TEKTL1: variants seen among roughly 807,000 people sequenced by gnomAD.
The protein encoded by TEKTL1 is tektin like 1.
chr19:15,021,026 C>G, the TEKTL1 span, among the ~76,000 whole-genome samples: 1 of 151,902 alleles, frequency 6.6e-6, no homozygotes, highest in Non-Finnish European at 1.5e-5. Flanking sequence ...ATTACAGGCG[C>G]CCACCACCAC....
the TEKTL1 span, among the ~76,000 whole-genome samples, chr19:15,015,517 G>A: frequency 2.0e-5 from 3 of 148,384 alleles, no homozygotes; most frequent in African/African-American, 7.5e-5. Flanking sequence ...TTTTTCCTCT[G>A]TCAATCCTAT....
chr19:15,021,376 G>A, the TEKTL1 span: 1 of 1,614,230 alleles, frequency 6.2e-7, no homozygotes, highest in Non-Finnish European at 8.5e-7. Flanking sequence ...GCTAAACGAA[G>A]CCAAGCGGTT....
the TEKTL1 span, among the ~76,000 whole-genome samples, chr19:15,022,352 A>C: frequency 6.6e-5 from 10 of 151,938 alleles, no homozygotes; most frequent in African/African-American, 2.4e-4. Flanking sequence ...TATTTGAGAC[A>C]GACTCTCGCT....
the TEKTL1 span, among the ~76,000 whole-genome samples, chr19:15,019,735 C>T: frequency 7.2e-5 from 11 of 152,098 alleles, no homozygotes; most frequent in African/African-American, 2.7e-4. Flanking sequence ...TGCCTGCAAT[C>T]CTAAAACTTT....
At chr19:15,011,734 C>CAAAAA in the TEKTL1 span, among the ~76,000 whole-genome samples, 2 of 121,782 alleles carry the variant, frequency 1.6e-5, no homozygotes, top group African/African-American at 3.0e-5. Context: ...AACTCCATCT[C>CAAAAA]AAAAAAAAAA....
chr19:15,022,782 T>C, the TEKTL1 span: 1 of 1,378,358 alleles, frequency 7.3e-7, no homozygotes, highest in East Asian at 2.5e-5. Context: ...TCAGCTGTGT[T>C]CCTTACACAC....
chr19:15,014,890 A>G, the TEKTL1 span, among the ~76,000 whole-genome samples: 1 of 152,142 alleles, frequency 6.6e-6, no homozygotes, highest in Non-Finnish European at 1.5e-5. Flanking sequence ...TGGACGTGGG[A>G]GCAAAGGGCT....
At chr19:15,011,274 G>C in the TEKTL1 span, 7 of 1,521,378 alleles carry the variant, frequency 4.6e-6, no homozygotes, top group Middle Eastern at 1.7e-4. Context: ...ATTAACGGGC[G>C]GGTGCGACAG....
the TEKTL1 span, chr19:15,023,238 AGG>A: frequency 1.2e-6 from 1 of 838,056 alleles, no homozygotes; most frequent in Non-Finnish European, 1.8e-6. Flanking sequence ...AGCACCCTCT[AGG>A]AGAATTATAA....
the TEKTL1 span, among the ~76,000 whole-genome samples, chr19:15,022,581 G>A: frequency 4.6e-5 from 7 of 151,840 alleles, no homozygotes; most frequent in Non-Finnish European, 1.0e-4. Flanking sequence ...CGCCCGCCTC[G>A]GCCTCCCAAA....
At chr19:15,021,628 A>T in the TEKTL1 span, 1 of 1,614,078 alleles carries the variant, frequency 6.2e-7, no homozygotes, top group Non-Finnish European at 8.5e-7. Flanking sequence ...AAGATTAAAT[A>T]TGACGTTAGG....
chr19:15,017,793 C>T, the TEKTL1 span, among the ~76,000 whole-genome samples: 1 of 152,260 alleles, frequency 6.6e-6, no homozygotes, highest in African/African-American at 2.4e-5. Context: ...CTTACTGCTC[C>T]CCTCACCCCA....
chr19:15,020,393 A>C, the TEKTL1 span: 1 of 1,351,752 alleles, frequency 7.4e-7, no homozygotes, highest in Non-Finnish European at 1.0e-6. Flanking sequence ...GCAGCAGAGA[A>C]ATCACTTGCA....
chr19:15,014,723 T>A, the TEKTL1 span, among the ~76,000 whole-genome samples: 46 of 5,054 alleles, frequency 9.1e-3, 1 homozygote, highest in African/African-American at 0.046. Flanking sequence ...GGAGACTCAG[T>A]GGGGGGGCGG....
At chr19:15,010,938 G>T in the TEKTL1 span, 1 of 1,585,602 alleles carries the variant, frequency 6.3e-7, no homozygotes, top group Admixed American at 1.8e-5. Context: ...CTGACCGATC[G>T]CTGCGGGCAG....
the TEKTL1 span, chr19:15,022,962 A>G: frequency 8.7e-6 from 14 of 1,613,314 alleles, no homozygotes; most frequent in Non-Finnish European, 1.2e-5. Context: ...TGGGGCCTCA[A>G]CTGCAAGAAC....
the TEKTL1 span, chr19:15,013,820 C>T: frequency 7.8e-7 from 1 of 1,287,880 alleles, no homozygotes; most frequent in Non-Finnish European, 1.1e-6. Flanking sequence ...GGAGGGGGAT[C>T]CCTGGCTGCC....
At chr19:15,020,506 C>T in the TEKTL1 span, 20 of 1,613,620 alleles carry the variant, frequency 1.2e-5, no homozygotes, top group East Asian at 1.3e-4. Context: ...CTTCAAGGAG[C>T]GGCTCCAAGC....
the TEKTL1 span, chr19:15,021,403 G>A: frequency 1.2e-6 from 2 of 1,614,218 alleles, no homozygotes; most frequent in Non-Finnish European, 8.5e-7. Flanking sequence ...CGAGTCCAAG[G>A]ACACCTTGGT....
Sources: allele counts gnomAD v4.1 joint callset (sites outside exome capture counted in the v4.1 genomes callset), GRCh38; gene constraint gnomAD v4.1.1; transcripts MANE v1.5; gene names NCBI Gene and HGNC (gene_info 2026-07-23, HGNC 2026-07-21).